Variants in PTPRD observed in about 807,000 individuals in gnomAD.
PTPRD encodes protein tyrosine phosphatase receptor type D.
PTPRD carries 34 observed loss-of-function variants against 214.5 expected under a neutral mutation model. The ratio of observed to expected loss-of-function variants is 0.16; its 90% CI spans 0.12 to 0.21. PTPRD has a LOEUF of 0.21. PTPRD is among the 10% of genes least tolerant of loss of function. PTPRD has a pLI of 1.00. For missense variants in PTPRD, 2,545 were observed against 2,398.7 expected (o/e 1.06, Z -1.27); for synonymous variants, 1,128 against 845.7 (o/e 1.33, Z -5.79).
chr9:10,450,866 G>C (rs977152126), intron 2 of PTPRD, among the ~76,000 whole-genome samples: 5 of 151,854 alleles, frequency 3.3e-5, no homozygotes, highest in Non-Finnish European at 5.9e-5. Flanking sequence ...TCTTTGGAAA[G>C]AAAATAAACA....
intron 4 of PTPRD, among the ~76,000 whole-genome samples, chr9:9,952,907 A>G (rs1254332041): frequency 1.3e-5 from 2 of 152,126 alleles, no homozygotes; most frequent in African/African-American, 4.8e-5. Flanking sequence ...TATTTCTTAA[A>G]TACCTATATA....
chr9:9,939,294 C>A (rs1042373864), intron 4 of PTPRD, among the ~76,000 whole-genome samples: 3 of 152,160 alleles, frequency 2.0e-5, no homozygotes, highest in Non-Finnish European at 2.9e-5. Flanking sequence ...AATAGAGCTA[C>A]TGACCTTTAG....
chr9:9,200,963 T>C (rs968577814), intron 9 of PTPRD, among the ~76,000 whole-genome samples: 3 of 152,222 alleles, frequency 2.0e-5, no homozygotes, highest in Non-Finnish European at 2.9e-5. Context: ...TGAAGCACAG[T>C]GTATGCTGCA....
rs113393791 is a variant in PTPRD at position 10,482,949 on chromosome 9, A to T, written c.-600+129449T>A. Among the ~76,000 whole-genome samples, 744 of 152,320 alleles carry T rather than the reference A, an allele frequency of 4.9e-3. 11 individuals are homozygous for T. Among genetic ancestry groups the T allele is most frequent in the African/African-American group, 0.017 (718 of 41,576 alleles). The stretch of plus-strand genomic sequence containing the variant: ...TAGAAAAGATAATCTTGAAATTCAT[A>T]TGGAACCAAAAAAGAGCAGAAATAG... On this transcript the variant is annotated intron_variant, in intron 2 of 45. Transcript: ENST00000381196.
chr9:8,864,651 G>T (rs1229607816), intron 11 of PTPRD, among the ~76,000 whole-genome samples: 1 of 152,148 alleles, frequency 6.6e-6, no homozygotes, highest in African/African-American at 2.4e-5. Flanking sequence ...TTTTCACGTT[G>T]CAGGGAGCGC....
intron 5 of PTPRD, among the ~76,000 whole-genome samples, chr9:9,780,078 C>A (rs2154489195): frequency 6.6e-6 from 1 of 152,190 alleles, no homozygotes; most frequent in African/African-American, 2.4e-5. Context: ...TAATATGCAG[C>A]CATTAAAAGG....
chr9:9,565,459 C>T (rs2084222464), intron 8 of PTPRD, among the ~76,000 whole-genome samples: 1 of 151,688 alleles, frequency 6.6e-6, no homozygotes, highest in African/African-American at 2.4e-5. Context: ...GTATAAAAAT[C>T]CTTTTTATTT....
chr9:9,714,761 G>C (rs147302276), intron 7 of PTPRD, among the ~76,000 whole-genome samples: 2,087 of 152,194 alleles, frequency 0.014, 26 homozygotes, highest in Non-Finnish European at 0.022. Flanking sequence ...AGCCCATGGA[G>C]GTGAAAGATC....
At chr9:10,073,767 G>A (rs938838126) in intron 3 of PTPRD, among the ~76,000 whole-genome samples, 5 of 152,022 alleles carry the variant, frequency 3.3e-5, no homozygotes, top group Admixed American at 6.6e-5. Flanking sequence ...TTATTGACAA[G>A]GGCCAGATTA....
chr9:10,265,747 C>T (rs1281494940), intron 3 of PTPRD, among the ~76,000 whole-genome samples: 2 of 152,160 alleles, frequency 1.3e-5, no homozygotes, highest in Non-Finnish European at 2.9e-5. Context: ...GATCCATAGG[C>T]AACAGTTTGC....
At chr9:8,447,330 CA>C (rs2133296081) in intron 34 of PTPRD, among the ~76,000 whole-genome samples, 1 of 152,264 alleles carries the variant, frequency 6.6e-6, no homozygotes, top group Non-Finnish European at 1.5e-5. Flanking sequence ...CCTTTATACT[CA>C]GGTCCCCATT....
At chr9:8,392,568 G>C (rs2089959067) in intron 36 of PTPRD, among the ~76,000 whole-genome samples, 1 of 152,084 alleles carries the variant, frequency 6.6e-6, no homozygotes, top group Non-Finnish European at 1.5e-5. Context: ...ATACGTAATT[G>C]AAAACAAAAT....
intron 3 of PTPRD, among the ~76,000 whole-genome samples, chr9:10,071,580 A>G (rs1482298146): frequency 8.5e-5 from 13 of 152,120 alleles, no homozygotes; most frequent in Non-Finnish European, 4.4e-5. Context: ...AAAAGGAAAG[A>G]AACTAGACAT....
In PTPRD at chr9:9,895,998, G is replaced by T. The variant is rs17242717; in HGVS notation, c.-368+42509C>A. Among the ~76,000 whole-genome samples, 9 of 152,026 alleles carry T rather than the reference G, an allele frequency of 5.9e-5. No individual in the cohort carries two copies. In the East Asian group the frequency reaches 1.7e-3, roughly 29 times the overall value. On this transcript the variant is annotated intron_variant, in intron 5 of 45. Transcript: ENST00000381196. ...TGAATGATGGGTAGCTAAAGGGTCCGTTTGTCACAGTTCGTCTACTGCAAA... is the reference window on the plus strand; with the variant it reads ...TGAATGATGGGTAGCTAAAGGGTCCTTTTGTCACAGTTCGTCTACTGCAAA...
At chr9:9,491,388 C>G (rs2095888760) in intron 8 of PTPRD, among the ~76,000 whole-genome samples, 2 of 151,836 alleles carry the variant, frequency 1.3e-5, no homozygotes, top group African/African-American at 4.8e-5. Context: ...GGTAGAATTA[C>G]TAGACAGAAG....
At chr9:9,528,556 C>T (rs745970284) in intron 8 of PTPRD, among the ~76,000 whole-genome samples, 41 of 152,146 alleles carry the variant, frequency 2.7e-4, no homozygotes, top group Non-Finnish European at 4.4e-4. Context: ...TACTTGAAGA[C>T]ATATTGCGAG....
At chr9:8,513,234 G>A (rs2097716492) in intron 21 of PTPRD, among the ~76,000 whole-genome samples, 3 of 152,010 alleles carry the variant, frequency 2.0e-5, no homozygotes, top group Non-Finnish European at 2.9e-5. Flanking sequence ...ACGGTCAACT[G>A]TACTAATGTT....
intron 4 of PTPRD, among the ~76,000 whole-genome samples, chr9:9,940,563 T>G (rs1169959727): frequency 6.6e-6 from 1 of 152,196 alleles, no homozygotes; most frequent in African/African-American, 2.4e-5. Flanking sequence ...GATATCATTA[T>G]CTGTACAACA....
chr9:8,548,395 G>A (rs977105984), intron 14 of PTPRD, among the ~76,000 whole-genome samples: 2 of 151,546 alleles, frequency 1.3e-5, no homozygotes, highest in East Asian at 1.9e-4. Context: ...TGAGAGAGGT[G>A]TTCACTCTGT....
Sources: allele counts gnomAD v4.1 joint callset (sites outside exome capture counted in the v4.1 genomes callset), GRCh38; gene constraint gnomAD v4.1.1; transcripts MANE v1.5; gene names NCBI Gene and HGNC (gene_info 2026-07-23, HGNC 2026-07-21).